MTAP: variants seen among roughly 807,000 people sequenced by gnomAD.
The protein encoded by MTAP is S-methyl-5'-thioadenosine phosphorylase.
In MTAP, 33 loss-of-function variants were observed where a neutral mutation model predicts 33.6. That is an observed-to-expected ratio of 0.98 (90% CI 0.74 to 1.31). MTAP has a LOEUF of 1.31. Ranked by LOEUF, MTAP falls within the 40% of genes most tolerant of loss-of-function variation. The pLI is 0.00. For missense variants in MTAP, 367 were observed against 360.0 expected (o/e 1.02, Z -0.16); for synonymous variants, 148 against 125.7 (o/e 1.18, Z -1.19).
intron 5 of MTAP, among the ~76,000 whole-genome samples, chr9:21,839,496 G>C (rs1272937230): frequency 1.3e-5 from 2 of 152,176 alleles, no homozygotes; most frequent in African/African-American, 4.8e-5. Flanking sequence ...CAATGGAGCT[G>C]TATAGAGCAC....
chr9:21,937,930 G>A (rs1819066813), downstream of MTAP, among the ~76,000 whole-genome samples: 2 of 152,050 alleles, frequency 1.3e-5, 1 homozygote, highest in South Asian at 4.2e-4. Context: ...ACTTGAGCCT[G>A]GGAGTTTGAG....
chr9:21,890,058 TC>T (rs1259158156), intron 1 of MTAP, among the ~76,000 whole-genome samples: 1 of 151,854 alleles, frequency 6.6e-6, no homozygotes, highest in Non-Finnish European at 1.5e-5. Context: ...AGAAAGACCA[TC>T]AGGTGGGGGC....
Position 21,865,825 on chromosome 9 carries a change from G to A in MTAP, c.*3811G>A. The stretch of plus-strand genomic sequence containing the variant: ...TTTTGAAGATTCACTCATGTTGCAT[G>A]CATCTGTAGCTTGTGCCTTTTTTAT... On this transcript the variant is annotated 3_prime_UTR_variant, in exon 8 of 8. Transcript: ENST00000644715. 1.0e-6 allele frequency: 1 copy of A among 995,128 alleles called. No homozygotes were observed. Among genetic ancestry groups the A allele is most frequent in the South Asian group, 4.4e-5 (1 of 22,516 alleles). 61.6% of individuals were successfully genotyped at this position (995,128 alleles called of 1,614,324 possible).
intron 3 of MTAP, 102 bp from the exon 4 acceptor site, chr9:21,817,933 G>C: frequency 1.7e-6 from 2 of 1,146,140 alleles, no homozygotes; most frequent in Non-Finnish European, 2.4e-6. Context: ...GTGTTAGTCT[G>C]TGGTCATTGC....
rs2118608122 is a variant in MTAP, at chr9:21,865,405, G to A, written c.*3391G>A. ...TTCCTTTATAAATTACCCAGTCATGGGCAGTCCTTTACAGCAGCATGAGAA... is the reference window on the plus strand; with the variant it reads ...TTCCTTTATAAATTACCCAGTCATGAGCAGTCCTTTACAGCAGCATGAGAA... On this transcript the variant is annotated 3_prime_UTR_variant, in exon 8 of 8. Transcript: ENST00000644715. The A allele has an allele frequency of 3.1e-6, 3 of 970,506 alleles. No homozygotes were observed. The highest frequency in any genetic ancestry group is 4.8e-5 in the South Asian group (1 of 21,004). 60.1% of individuals were successfully genotyped at this position (970,506 alleles called of 1,614,324 possible).
rs554122610 is a variant in MTAP at position 21,866,193 on chromosome 9, C to G, written c.*4179C>G. 1 of 152,230 alleles carries G rather than the reference C, an allele frequency of 6.6e-6. No individual in the cohort carries two copies. Among genetic ancestry groups the G allele is most frequent in the South Asian group, 2.1e-4 (1 of 4,822 alleles). The allele number at this position is 152,230 out of a possible 1,614,324, so 9.4% of individuals were successfully genotyped here. A position where few individuals can be genotyped will look rare whatever the true frequency, so the allele number is the denominator to read the frequency against. ...ATTGGCCATTCACATATTTCGTGAA[C>G]TATCTGTACAAATATTTTTGTTTAT... On this transcript the variant is annotated 3_prime_UTR_variant, in exon 8 of 8. Transcript: ENST00000644715.
chr9:21,854,507 G>T, intron 5 of MTAP, 124 bp from the exon 6 acceptor site: 1 of 1,307,652 alleles, frequency 7.6e-7, no homozygotes. Flanking sequence ...CTGGCAGATA[G>T]TAGGCATTTA....
At chr9:21,884,223 T>C (rs1818069392) in intron 1 of MTAP, among the ~76,000 whole-genome samples, 1 of 152,184 alleles carries the variant, frequency 6.6e-6, no homozygotes, top group Middle Eastern at 3.2e-3. Context: ...TACCCTGTAA[T>C]TTGAAATGCA....
chr9:21,856,670 T>C (rs1483758313), intron 6 of MTAP, among the ~76,000 whole-genome samples: 3 of 152,208 alleles, frequency 2.0e-5, no homozygotes, highest in Non-Finnish European at 2.9e-5. Context: ...CAGCTGGAGC[T>C]ACTTTATTGA....
At chr9:21,914,241 G>C (rs1255301800) in intron 1 of MTAP, among the ~76,000 whole-genome samples, 6 of 152,190 alleles carry the variant, frequency 3.9e-5, no homozygotes, top group African/African-American at 1.2e-4. Context: ...CAAGGATCTA[G>C]AACTAGAAAT....
At chr9:21,905,899 T>C (rs1192076386) in intron 1 of MTAP, among the ~76,000 whole-genome samples, 1 of 152,206 alleles carries the variant, frequency 6.6e-6, no homozygotes, top group Non-Finnish European at 1.5e-5. Context: ...ATTACCATAG[T>C]GGCTTTGGGT....
At chr9:21,939,975 A>C (rs1225123100), downstream of MTAP, among the ~76,000 whole-genome samples, 1 of 151,860 alleles carries the variant, frequency 6.6e-6, no homozygotes, top group Non-Finnish European at 1.5e-5. Context: ...ATACTTAAAA[A>C]TATGTGTAAA....
In MTAP at chr9:21,922,132, G is replaced by A. The variant is rs925568885; in HGVS notation, c.148-8876G>A. ...AAGCAGTCTCAAGCATGCACTAAGA[G>A]GCAAAATGGCAGAGTTTAACTGGTG... On this transcript the variant is annotated intron_variant, in intron 1 of 1. Coordinates refer to the MTAP transcript ENST00000577563. The surrounding 1 kb of genome is among the most constrained non-coding windows in gnomAD (Gnocchi z 4.8). 1.3e-5 allele frequency among the ~76,000 whole-genome samples: 2 copies of A among 152,024 alleles called. No homozygotes were observed. Among genetic ancestry groups the A allele is most frequent in the East Asian group, 3.9e-4 (2 of 5,168 alleles).
At chr9:21,855,583 C>T (rs760989769) in intron 6 of MTAP, among the ~76,000 whole-genome samples, 3 of 152,108 alleles carry the variant, frequency 2.0e-5, no homozygotes, top group Non-Finnish European at 4.4e-5. Context: ...TACAGTAGGG[C>T]CAGGCCATAC....
chr9:21,802,983 C>CAAA (rs1824094586), intron 1 of MTAP: 2 of 1,162,640 alleles, frequency 1.7e-6, no homozygotes, highest in Non-Finnish European at 2.3e-6. Flanking sequence ...TGCCGCACCG[C>CAAA]CAACACACAC....
intron 5 of MTAP, among the ~76,000 whole-genome samples, chr9:21,842,683 T>G (rs1034924294): frequency 6.6e-6 from 1 of 152,154 alleles, no homozygotes; most frequent in Non-Finnish European, 1.5e-5. Flanking sequence ...GAAGGAGAGA[T>G]AGTCTTTTTC....
intron 5 of MTAP, among the ~76,000 whole-genome samples, chr9:21,845,616 A>G (rs1825360769): frequency 1.3e-5 from 2 of 152,178 alleles, no homozygotes; most frequent in South Asian, 4.1e-4. Flanking sequence ...AGCAATCCAC[A>G]AATTCAATGC....
At chr9:21,880,078 A>G (rs1421894788) in intron 1 of MTAP, among the ~76,000 whole-genome samples, 1 of 152,110 alleles carries the variant, frequency 6.6e-6, no homozygotes, top group Non-Finnish European at 1.5e-5. Flanking sequence ...TTTGTTGGAA[A>G]CTTAATTTCT....
At chr9:21,882,347 T>C (rs1465977373) in intron 1 of MTAP, among the ~76,000 whole-genome samples, 1 of 152,026 alleles carries the variant, frequency 6.6e-6, no homozygotes, top group East Asian at 1.9e-4. Context: ...TGAGTTTTGC[T>C]ACAACCTTTA....
Sources: gnomAD v4.1 joint callset for allele counts (sites outside exome capture counted in the v4.1 genomes callset) on GRCh38, gnomAD v4.1.1 for gene constraint, Gnocchi (gnomAD v3.1) non-coding constraint, MANE v1.5 for transcripts, NCBI Gene and HGNC (gene_info 2026-07-23, HGNC 2026-07-21) for gene names.